The following LRRC69 variants were observed in gnomAD, a reference collection of about 807,000 sequenced individuals.
LRRC69 encodes the protein leucine-rich repeat-containing protein 69.
Under a neutral mutation model 37.8 loss-of-function variants are expected in LRRC69, and 42 were observed. The observed-to-expected ratio is 1.11, with a 90% CI of 0.87 to 1.44. LRRC69 has a LOEUF of 1.44. Ranked by LOEUF, LRRC69 falls within the 40% of genes most tolerant of loss-of-function variation. The probability of loss-of-function intolerance (pLI) is 0.00; values close to 1 mark genes in which losing one functional copy is unlikely to be tolerated. For synonymous variants in LRRC69, 141 were observed against 143.1 expected, an observed-to-expected ratio of 0.99 and a Z score of 0.11; for missense variants, 357 against 401.9, an observed-to-expected ratio of 0.89 and a Z score of 0.96.
At chr8:91,162,217 T>G (rs1808957799) in intron 5 of LRRC69, among the ~76,000 whole-genome samples, 1 of 151,556 alleles carries the variant, frequency 6.6e-6, no homozygotes, top group Non-Finnish European at 1.5e-5. Flanking sequence ...AAGAAGAATG[T>G]GTATTCTGCA....
At chr8:91,130,568 C>G (rs1168402637) in intron 3 of LRRC69, among the ~76,000 whole-genome samples, 1 of 152,020 alleles carries the variant, frequency 6.6e-6, no homozygotes, top group East Asian at 1.9e-4. Context: ...AGCCACCATG[C>G]CTGGCAGTTT....
intron 3 of LRRC69, among the ~76,000 whole-genome samples, chr8:91,132,473 G>T (rs935091989): frequency 2.6e-5 from 4 of 151,856 alleles, no homozygotes; most frequent in Non-Finnish European, 4.4e-5. Context: ...TTTATTCAGG[G>T]CCAAATTCAA....
chr8:91,123,200 A>G (rs577896934), intron 1 of LRRC69, among the ~76,000 whole-genome samples: 4 of 152,048 alleles, frequency 2.6e-5, no homozygotes, highest in Non-Finnish European at 5.9e-5. Context: ...CTGATTTCTG[A>G]TCTCCAGAAA....
intron 5 of LRRC69, among the ~76,000 whole-genome samples, chr8:91,186,212 G>T (rs889245539): frequency 6.6e-6 from 1 of 152,150 alleles, no homozygotes; most frequent in African/African-American, 2.4e-5. Flanking sequence ...ATTGAATTTT[G>T]AGCTTGCATT....
intron 7 of LRRC69, among the ~76,000 whole-genome samples, chr8:91,214,532 T>C (rs777357196): frequency 2.8e-4 from 43 of 152,148 alleles, no homozygotes; most frequent in Non-Finnish European, 2.9e-4. Context: ...CACTAAGCTA[T>C]AATTTAGTGA....
intron 5 of LRRC69, among the ~76,000 whole-genome samples, chr8:91,148,072 G>A (rs1808655423): frequency 6.6e-6 from 1 of 151,278 alleles, no homozygotes; most frequent in African/African-American, 2.4e-5. Flanking sequence ...CTATTCCATG[G>A]TGTATGTGTA....
At chr8:91,151,191 TG>T in intron 5 of LRRC69, among the ~76,000 whole-genome samples, 1 of 152,012 alleles carries the variant, frequency 6.6e-6, no homozygotes, top group Non-Finnish European at 1.5e-5. Context: ...GTGTCAATTT[TG>T]GATCTTTCCT....
intron 5 of LRRC69, among the ~76,000 whole-genome samples, chr8:91,147,751 A>T (rs1433447681): frequency 1.3e-5 from 2 of 151,814 alleles, no homozygotes; most frequent in African/African-American, 2.4e-5. Flanking sequence ...CAGAATGTGC[A>T]GGTTTGTTAC....
At chr8:91,204,331 T>C (rs1809762899) in intron 7 of LRRC69, among the ~76,000 whole-genome samples, 1 of 152,206 alleles carries the variant, frequency 6.6e-6, no homozygotes, top group Non-Finnish European at 1.5e-5. Context: ...GTTGAATATA[T>C]GAATTAATGA....
At chr8:91,126,112 A>G (rs1309277600) in intron 2 of LRRC69, among the ~76,000 whole-genome samples, 3 of 151,968 alleles carry the variant, frequency 2.0e-5, no homozygotes, top group Admixed American at 2.0e-4. Flanking sequence ...CAAGGTCAGA[A>G]GTAGTTTGAT....
rs1330198425 is a variant in LRRC69 at position 91,155,476 on chromosome 8, G to A, written c.651+19737G>A. 7.3e-5 allele frequency among the ~76,000 whole-genome samples: 11 copies of A among 150,546 alleles called. 1 individual carries two copies. ...CAAATATTCATCATTTCTTTGTGCT[G>A]GAAACATTCAACAACCTATCTATTT... On this transcript the variant is annotated intron_variant, in intron 5 of 7. Transcript: ENST00000448384.
chr8:91,161,724 A>G (rs927924633), intron 5 of LRRC69, among the ~76,000 whole-genome samples: 1 of 151,240 alleles, frequency 6.6e-6, no homozygotes, highest in African/African-American at 2.4e-5. Flanking sequence ...CTTTTCAAAC[A>G]ACTTTTTAAA....
rs76723344 is a variant in LRRC69, at chr8:91,110,223, T to C, written c.183+7379T>C. Among the ~76,000 whole-genome samples, 679 of 152,204 alleles carry C rather than the reference T, an allele frequency of 4.5e-3. 9 individuals carry two copies. Among genetic ancestry groups the C allele is most frequent in the African/African-American group, 0.016 (653 of 41,576 alleles). The stretch of plus-strand genomic sequence containing the variant: ...AAGGAAGTTAAGTAGTTCAAACATA[T>C]TTATACATCTTATAGGCAAATAATC... On this transcript the variant is annotated intron_variant, in intron 1 of 7. Transcript: ENST00000448384.
intron 5 of LRRC69, among the ~76,000 whole-genome samples, chr8:91,153,582 A>T (rs1348767169): frequency 1.3e-5 from 2 of 151,980 alleles, no homozygotes; most frequent in African/African-American, 4.8e-5. Context: ...ACACAACTAC[A>T]TGGAAATTGA....
intron 5 of LRRC69, among the ~76,000 whole-genome samples, chr8:91,140,067 G>C (rs891273450): frequency 1.4e-5 from 2 of 139,678 alleles, no homozygotes; most frequent in African/African-American, 2.7e-5. Context: ...CTCCAGCTTC[G>C]GCAGCAAAAG....
intron 7 of LRRC69, among the ~76,000 whole-genome samples, chr8:91,215,276 A>C (rs147765149): frequency 1.3e-5 from 2 of 152,146 alleles, no homozygotes; most frequent in Non-Finnish European, 2.9e-5. Flanking sequence ...ACAGGAAACC[A>C]TCTTATGCTC....
intron 2 of LRRC69, among the ~76,000 whole-genome samples, chr8:91,126,691 C>T (rs976154237): frequency 1.3e-5 from 2 of 151,802 alleles, no homozygotes; most frequent in African/African-American, 4.8e-5. Context: ...ATAGAGCAAA[C>T]ATGTTCAAAA....
intron 5 of LRRC69, among the ~76,000 whole-genome samples, chr8:91,161,200 TA>T (rs1298756287): frequency 2.6e-5 from 4 of 151,446 alleles, no homozygotes; most frequent in Middle Eastern, 3.2e-3. Flanking sequence ...CATTTGCTAC[TA>T]TTTTTTTAAG....
intron 5 of LRRC69, among the ~76,000 whole-genome samples, chr8:91,179,298 C>T (rs996558332): frequency 2.0e-5 from 3 of 152,036 alleles, no homozygotes; most frequent in East Asian, 1.9e-4. Flanking sequence ...AAAGGGGGAG[C>T]GGGTTGTCTC....
Sources: gnomAD v4.1 joint callset for allele counts (sites outside exome capture counted in the v4.1 genomes callset) on GRCh38, gnomAD v4.1.1 for gene constraint, MANE v1.5 for transcripts, NCBI Gene and HGNC (gene_info 2026-07-23, HGNC 2026-07-21) for gene names.